The following NAV2 variants were observed in gnomAD, a reference collection of about 807,000 sequenced individuals.
The protein encoded by NAV2 is neuron navigator 2, also known as helicase, APC down-regulated 1.
A neutral mutation model predicts 223.2 loss-of-function variants in NAV2; 54 were observed. The ratio of observed to expected loss-of-function variants is 0.24; its 90% CI spans 0.19 to 0.30. The LOEUF (loss-of-function observed/expected upper bound fraction) is 0.30, where lower values mean the gene tolerates loss of function less well. Among genes scored for constraint, NAV2 ranks in the 10% least tolerant of loss-of-function variants. NAV2 has a pLI of 1.00. For synonymous variants in NAV2, 1,279 were observed against 1,239.3 expected, an observed-to-expected ratio of 1.03 and a Z score of -0.67; for missense variants, 2,806 against 3,147.5, an observed-to-expected ratio of 0.89 and a Z score of 2.60.
intron 3 of NAV2, among the ~76,000 whole-genome samples, chr11:19,861,866 C>G (rs1359960024): frequency 6.6e-6 from 1 of 152,220 alleles, no homozygotes; most frequent in Non-Finnish European, 1.5e-5. Flanking sequence ...CTTTCTGACA[C>G]TAGTCACCAG....
At chr11:19,628,813 A>T (rs73422466) in intron 1 of NAV2, among the ~76,000 whole-genome samples, 1,763 of 152,324 alleles carry the variant, frequency 0.012, 36 homozygotes, top group African/African-American at 0.04. Context: ...CTACCCTTCT[A>T]GTCTTCTGGA....
intron 1 of NAV2, among the ~76,000 whole-genome samples, chr11:19,523,595 C>CA (rs770989837): frequency 1.3e-5 from 2 of 152,204 alleles, no homozygotes; most frequent in Non-Finnish European, 2.9e-5. Context: ...AGTCTGGTGA[C>CA]ATTTCTTCTT....
At chr11:19,394,261 T>G (rs1849362602) in intron 1 of NAV2, among the ~76,000 whole-genome samples, 1 of 152,154 alleles carries the variant, frequency 6.6e-6, no homozygotes. Flanking sequence ...AGAGGGTATT[T>G]CCCAGTTTCT....
intron 1 of NAV2, among the ~76,000 whole-genome samples, chr11:19,569,257 C>A (rs1252622926): frequency 6.6e-6 from 1 of 152,182 alleles, no homozygotes; most frequent in Non-Finnish European, 1.5e-5. Context: ...AATGTCCTTC[C>A]CTTCCTTGTC....
intron 1 of NAV2, among the ~76,000 whole-genome samples, chr11:19,392,605 C>T (rs535613040): frequency 4.2e-4 from 64 of 152,244 alleles, no homozygotes; most frequent in African/African-American, 1.3e-3. Context: ...AAATGTACTG[C>T]CTTTTGTGAC....
At chr11:19,908,419 G>A (rs1307441285) in intron 6 of NAV2, among the ~76,000 whole-genome samples, 1 of 152,140 alleles carries the variant, frequency 6.6e-6, no homozygotes, top group African/African-American at 2.4e-5. Context: ...TAACTCTCCA[G>A]CACCAGGAGG....
chr11:19,621,151 G>A lies in NAV2; in HGVS notation c.76-211333G>A, dbSNP rs539934741. 5.3e-5 allele frequency among the ~76,000 whole-genome samples: 8 copies of A among 152,300 alleles called. No homozygotes were observed. In the South Asian group the frequency reaches 1.7e-3, roughly 32 times the overall value. ...GGATAAGCTTTTCGATGTGCTGCTG[G>A]AGTCAGTTTGCCAGTATTTTACTGA... On this transcript the variant is annotated intron_variant, in intron 1 of 37. Coordinates refer to the NAV2 transcript ENST00000360655.
chr11:19,503,418 T>C (rs2043020045), intron 1 of NAV2: 1 of 152,212 alleles, frequency 6.6e-6, no homozygotes, highest in East Asian at 1.9e-4. Flanking sequence ...TACACAGTAG[T>C]TTCACTGCCC....
chr11:19,551,866 C>A (rs745537378), intron 1 of NAV2, among the ~76,000 whole-genome samples: 9 of 151,774 alleles, frequency 5.9e-5, no homozygotes, highest in African/African-American at 9.7e-5. Flanking sequence ...CTTTACTCTG[C>A]TCCTTCCCCT....
At chr11:19,588,670 AAGGAT>A (rs1227233092) in intron 1 of NAV2, among the ~76,000 whole-genome samples, 1 of 152,220 alleles carries the variant, frequency 6.6e-6, no homozygotes, top group African/African-American at 2.4e-5. Flanking sequence ...CAGAATGAAA[AAGGAT>A]AGAAAATGGT....
At chr11:19,354,203 A>T (rs1338261838) in intron 1 of NAV2, among the ~76,000 whole-genome samples, 1 of 152,244 alleles carries the variant, frequency 6.6e-6, no homozygotes, top group Admixed American at 6.5e-5. Flanking sequence ...AATATAAACC[A>T]GACATACAAA....
At chr11:19,558,830 C>T (rs186382007) in intron 1 of NAV2, among the ~76,000 whole-genome samples, 15 of 152,232 alleles carry the variant, frequency 9.9e-5, no homozygotes, top group Admixed American at 8.5e-4. Context: ...TTCCCTGTCT[C>T]GGAACACACA....
intron 1 of NAV2, among the ~76,000 whole-genome samples, chr11:19,435,698 A>G (rs927388558): frequency 6.6e-6 from 1 of 152,180 alleles, no homozygotes; most frequent in Non-Finnish European, 1.5e-5. Context: ...CCAACAGTGT[A>G]CAAGCGTTCT....
intron 1 of NAV2, among the ~76,000 whole-genome samples, chr11:19,785,621 T>C (rs965140962): frequency 1.3e-5 from 2 of 151,786 alleles, no homozygotes; most frequent in Admixed American, 6.6e-5. Flanking sequence ...TGAAATTAAA[T>C]AAGATGAGTT....
chr11:19,370,915 C>T lies in NAV2; in HGVS notation c.75+19888C>T, dbSNP rs555790316. Among the ~76,000 whole-genome samples, 7 of 152,226 alleles carry T rather than the reference C, an allele frequency of 4.6e-5. No individual in the cohort carries two copies. The East Asian group carries it at 7.7e-4, about 17-fold the overall frequency. The stretch of plus-strand genomic sequence containing the variant: ...ATTCCATGGCTTCATGGGAAGAGGG[C>T]GTTTTCTTGATTGTTTGCTCCTGAG... On this transcript the variant is annotated intron_variant, in intron 1 of 37. Transcript: ENST00000360655.
At chr11:19,547,693 A>G (rs2044548458) in intron 1 of NAV2, among the ~76,000 whole-genome samples, 1 of 152,222 alleles carries the variant, frequency 6.6e-6, no homozygotes, top group Non-Finnish European at 1.5e-5. Flanking sequence ...GGGGACAAGT[A>G]GGACCCCCTC....
chr11:19,626,903 T>C (rs1158366319), intron 1 of NAV2, among the ~76,000 whole-genome samples: 1 of 152,190 alleles, frequency 6.6e-6, no homozygotes, highest in Admixed American at 6.5e-5. Context: ...AATTATAAAA[T>C]GGGAATAACA....
chr11:19,878,428 G>C (rs1190732933), intron 4 of NAV2, among the ~76,000 whole-genome samples: 1 of 152,180 alleles, frequency 6.6e-6, no homozygotes, highest in Non-Finnish European at 1.5e-5. Context: ...GGGCAAAGCG[G>C]TGTCCGTATT....
rs115717724 is a variant in NAV2 at position 19,671,790 on chromosome 11, C to A, written c.76-160694C>A. Among the ~76,000 whole-genome samples, 6 of 152,314 alleles carry A rather than the reference C, an allele frequency of 3.9e-5. No homozygotes were observed. The South Asian group carries it at 6.2e-4, about 16-fold the overall frequency. On this transcript the variant is annotated intron_variant, in intron 1 of 37. Transcript: ENST00000360655. Reference sequence around the variant, plus strand: ...AACCATTCTTAGCTCAGGGGCCAGACGAAAACAGGCCAAGGGCCAGATCTG... The same window carrying A: ...AACCATTCTTAGCTCAGGGGCCAGAAGAAAACAGGCCAAGGGCCAGATCTG...
Sources: gnomAD v4.1 joint callset for allele counts (sites outside exome capture counted in the v4.1 genomes callset) on GRCh38, gnomAD v4.1.1 for gene constraint, MANE v1.5 for transcripts, NCBI Gene and HGNC (gene_info 2026-07-23, HGNC 2026-07-21) for gene names.